CACNA1E: variants seen among roughly 807,000 people sequenced by gnomAD.
CACNA1E encodes the protein voltage-dependent R-type calcium channel subunit alpha-1E.
A neutral mutation model predicts 259.2 loss-of-function variants in CACNA1E; 40 were observed. That is an observed-to-expected ratio of 0.15 (90% CI 0.12 to 0.20). The LOEUF is 0.20. Ranked by LOEUF, CACNA1E falls within the 10% of genes least tolerant of loss-of-function variation. The pLI is 1.00. For missense variants in CACNA1E, 1,874 were observed against 3,040.1 expected (o/e 0.62, Z 9.02); for synonymous variants, 1,104 against 1,138.5 (o/e 0.97, Z 0.61).
intron 39 of CACNA1E, among the ~76,000 whole-genome samples, chr1:181,782,003 GA>G (rs1417135565): frequency 6.6e-6 from 1 of 152,180 alleles, no homozygotes. Context: ...CTTTAAACAA[GA>G]AATTTTTAGG....
intron 7 of CACNA1E, among the ~76,000 whole-genome samples, chr1:181,709,471 G>A (rs906652815): frequency 3.3e-5 from 5 of 152,204 alleles, no homozygotes; most frequent in Admixed American, 6.5e-5. Flanking sequence ...GGTGTGACAC[G>A]AACAGGTGTC....
intron 1 of CACNA1E, among the ~76,000 whole-genome samples, chr1:181,397,739 G>A (rs1350225122): frequency 6.6e-6 from 1 of 152,282 alleles, no homozygotes; most frequent in African/African-American, 2.4e-5. Flanking sequence ...CCCTCATCCC[G>A]TCTTGTCCTT....
At chr1:181,727,115 G>A (rs983761627) in intron 18 of CACNA1E, among the ~76,000 whole-genome samples, 20 of 152,166 alleles carry the variant, frequency 1.3e-4, no homozygotes, top group Admixed American at 1.2e-3. Flanking sequence ...ACCTGCATCT[G>A]GAGCTCAGAA....
intron 3 of CACNA1E, among the ~76,000 whole-genome samples, chr1:181,548,499 C>G (rs903066987): frequency 1.3e-5 from 2 of 152,188 alleles, no homozygotes; most frequent in Non-Finnish European, 2.9e-5. Context: ...CCTGCCTCCT[C>G]CTATGTTTCT....
At chr1:181,474,693 C>A (rs1662729783) in intron 2 of CACNA1E, among the ~76,000 whole-genome samples, 2 of 152,040 alleles carry the variant, frequency 1.3e-5, no homozygotes, top group Non-Finnish European at 2.9e-5. Context: ...TTTTTTGAAG[C>A]AGGACTTTAT....
intron 1 of CACNA1E, among the ~76,000 whole-genome samples, chr1:181,337,528 T>C (rs532353828): frequency 2.2e-4 from 33 of 152,322 alleles, no homozygotes; most frequent in Middle Eastern, 3.4e-3. Context: ...CTTTTCTTCC[T>C]CCTTCCTGCC....
Position 181,717,300 on chromosome 1 carries a change from T to C in CACNA1E, c.1523T>C (p.Leu508Pro). 6.2e-7 allele frequency: 1 copy of C among 1,612,518 alleles called. No homozygotes were observed. Among genetic ancestry groups the C allele is most frequent in the Non-Finnish European group, 8.5e-7 (1 of 1,179,148 alleles). ...CAGCCCCAGTGGCTCACCCACCTCCTCTGTAAGTAAAGCCTCTCTCTAAAG... is the reference window on the plus strand; with the variant it reads ...CAGCCCCAGTGGCTCACCCACCTCCCCTGTAAGTAAAGCCTCTCTCTAAAG... ...HNQPQWLTHL[L>P]YYAEFLFLGL... The change falls in exon 11 of 48, where the codon CTC becomes CCC. Residue 508 changes from leucine (L) to proline (P), a missense_variant and splice_region_variant. Coordinates refer to ENST00000367573, the MANE Select transcript of CACNA1E (RefSeq NM_001205293.3).
At chr1:181,366,841 C>T (rs1032654302) in intron 1 of CACNA1E, among the ~76,000 whole-genome samples, 5 of 152,178 alleles carry the variant, frequency 3.3e-5, no homozygotes, top group Non-Finnish European at 7.3e-5. Context: ...TTTGAAGACC[C>T]CTGTGGTGCT....
chr1:181,543,421 G>C (rs1356602785), intron 3 of CACNA1E, among the ~76,000 whole-genome samples: 1 of 152,210 alleles, frequency 6.6e-6, no homozygotes, highest in Non-Finnish European at 1.5e-5. Flanking sequence ...AAATTCATAT[G>C]TTGAAACCCC....
intron 7 of CACNA1E, among the ~76,000 whole-genome samples, chr1:181,681,862 G>A (rs1172310017): frequency 6.6e-6 from 1 of 152,138 alleles, no homozygotes; most frequent in Non-Finnish European, 1.5e-5. Flanking sequence ...TTGGCTGGGG[G>A]CTTTGGGCAA....
At chr1:181,483,385 C>T (rs762026158), upstream of CACNA1E, 67 of 177,506 alleles carry the variant, frequency 3.8e-4, no homozygotes, top group East Asian at 3.0e-3. Context: ...CAGCCTACTC[C>T]ACCCCTCTCC....
chr1:181,484,264 C>T (rs1028209958), intron 1 of CACNA1E, among the ~76,000 whole-genome samples: 1 of 152,160 alleles, frequency 6.6e-6, no homozygotes, highest in Non-Finnish European at 1.5e-5. Flanking sequence ...CTGGGTGCAT[C>T]CCTTTCTGGG....
At chr1:181,421,521 G>A (rs773046578) in intron 2 of CACNA1E, among the ~76,000 whole-genome samples, 2 of 152,086 alleles carry the variant, frequency 1.3e-5, no homozygotes. Flanking sequence ...TGCTTGTCTG[G>A]CATCTCTGCA....
rs577345630 is a variant in CACNA1E, at chr1:181,725,847, G to T, written c.2143-218G>T. Among the ~76,000 whole-genome samples the T allele has an allele frequency of 2.0e-5, 3 of 152,350 alleles. No individual in the cohort carries two copies. The South Asian group carries it at 6.2e-4, about 32-fold the overall frequency. ...TCCAGGATGGAGACAGGGATTGCTGGCCACGCTATAGCTGTGAGACTACTG... is the reference window on the plus strand; with the variant it reads ...TCCAGGATGGAGACAGGGATTGCTGTCCACGCTATAGCTGTGAGACTACTG... On this transcript the variant is annotated intron_variant, in intron 17 of 47. Transcript: ENST00000367573.
intron 6 of CACNA1E, among the ~76,000 whole-genome samples, chr1:181,632,896 CA>C (rs1437051185): frequency 6.6e-6 from 1 of 152,150 alleles, no homozygotes; most frequent in Non-Finnish European, 1.5e-5. Context: ...GTCCAGCCAA[CA>C]ATGTTTTAAA....
At position 181,522,648 on chromosome 1, in the gene CACNA1E, A is replaced by G. The variant is rs545235560; in HGVS notation, c.512+11138A>G. 7.2e-5 allele frequency among the ~76,000 whole-genome samples: 11 copies of G among 152,242 alleles called. 1 individual carries two copies. The South Asian group carries it at 2.3e-3, about 32-fold the overall frequency. On this transcript the variant is annotated intron_variant, in intron 3 of 47. Coordinates refer to ENST00000367573, the MANE Select transcript of CACNA1E (RefSeq NM_001205293.3). Reference sequence around the variant, plus strand: ...AACATTTTGTGATTTAGGGGCCCTTACATCCTTCCAGTGGGGAGCTCAAAG... The same window carrying G: ...AACATTTTGTGATTTAGGGGCCCTTGCATCCTTCCAGTGGGGAGCTCAAAG...
intron 1 of CACNA1E, among the ~76,000 whole-genome samples, chr1:181,385,369 T>C (rs2102013104): frequency 6.6e-6 from 1 of 152,362 alleles, no homozygotes; most frequent in East Asian, 1.9e-4. Context: ...ACATCTCCGA[T>C]GGAATATCAC....
At position 181,510,477 on chromosome 1, in the gene CACNA1E, G is replaced by A. The variant is rs1666074489; in HGVS notation, c.267G>A (p.Pro89=). 2 of 1,611,540 alleles carry A rather than the reference G, an allele frequency of 1.2e-6. No homozygotes were observed. Among genetic ancestry groups the A allele is most frequent in the Non-Finnish European group, 8.5e-7 (1 of 1,177,736 alleles). Residue 89 remains proline (P), a splice_region_variant and synonymous_variant, in exon 2 of 48, where the codon CCG becomes CCA. Transcript: ENST00000367573. ...RKYAKKLIDW[P]PFEYMILATI... ...TTGTTCCTTAACTCCGCTTTCCCAC[G>A]CCATTTGAGTACATGATCCTGGCCA...
Position 181,776,959 on chromosome 1 carries a change from G to T in CACNA1E, c.5267+731G>T, listed in dbSNP as rs1660026585. On this transcript the variant is annotated intron_variant, in intron 38 of 47. Coordinates refer to ENST00000367573, the MANE Select transcript of CACNA1E (RefSeq NM_001205293.3). The surrounding 1 kb of genome is among the most constrained non-coding windows in gnomAD (Gnocchi z 4.4). ...ACCATTCGTTTACGTATTGTCTCTG[G>T]CTGCTTACATACTACAAGGAAGAGG... 6.6e-6 allele frequency among the ~76,000 whole-genome samples: 1 copy of T among 152,196 alleles called. No homozygotes were observed. The highest frequency in any genetic ancestry group is 2.4e-5 in the African/African-American group (1 of 41,462).
Sources: gnomAD v4.1 joint callset for allele counts (sites outside exome capture counted in the v4.1 genomes callset) on GRCh38, gnomAD v4.1.1 for gene constraint, Gnocchi (gnomAD v3.1) non-coding constraint, MANE v1.5 for transcripts, NCBI Gene and HGNC (gene_info 2026-07-23, HGNC 2026-07-21) for gene names.